Variants in CDH20 observed in about 807,000 individuals in gnomAD.
CDH20 encodes the protein cadherin-20.
In CDH20, 29 loss-of-function variants were observed where a neutral mutation model predicts 74.2. That is an observed-to-expected ratio of 0.39 (90% CI 0.29 to 0.53). CDH20 has a LOEUF of 0.53. Ranked by LOEUF, CDH20 falls within the 20% of genes least tolerant of loss-of-function variation. The pLI is 0.69. For synonymous variants in CDH20, 469 were observed against 405.4 expected, an observed-to-expected ratio of 1.16 and a Z score of -1.88; for missense variants, 988 against 1,048.3, an observed-to-expected ratio of 0.94 and a Z score of 0.79.
At chr18:61,409,530 G>A (rs1396589223) in intron 1 of CDH20, among the ~76,000 whole-genome samples, 2 of 152,174 alleles carry the variant, frequency 1.3e-5, no homozygotes, top group Non-Finnish European at 2.9e-5. Flanking sequence ...TAGGCAAGTT[G>A]TGTATGTCCT....
chr18:61,357,852 C>CG (rs1291835234), intron 1 of CDH20, among the ~76,000 whole-genome samples: 11 of 152,206 alleles, frequency 7.2e-5, no homozygotes, highest in African/African-American at 2.6e-4. Context: ...GACTTCATCT[C>CG]GTGATCTCTT....
chr18:61,388,507 A>C (rs979530540), intron 1 of CDH20, among the ~76,000 whole-genome samples: 6 of 152,166 alleles, frequency 3.9e-5, no homozygotes, highest in African/African-American at 1.4e-4. Flanking sequence ...AATTGAACTA[A>C]TTTCAAAATT....
chr18:61,364,409 T>C (rs1031222908), intron 1 of CDH20, among the ~76,000 whole-genome samples: 1 of 152,176 alleles, frequency 6.6e-6, no homozygotes, highest in Non-Finnish European at 1.5e-5. Context: ...ACCTCCCCCA[T>C]TCAAGCGATT....
intron 7 of CDH20, among the ~76,000 whole-genome samples, chr18:61,531,646 C>A (rs1912645116): frequency 6.6e-6 from 1 of 152,220 alleles, no homozygotes; most frequent in African/African-American, 2.4e-5. Context: ...CTGATGTGAT[C>A]TGGCTCTGTG....
At chr18:61,441,186 TG>T in intron 1 of CDH20, among the ~76,000 whole-genome samples, 1 of 152,284 alleles carries the variant, frequency 6.6e-6, no homozygotes, top group South Asian at 2.1e-4. Flanking sequence ...CTCTCACCTT[TG>T]TATAACTCAC....
At chr18:61,362,818 A>C (rs1187496071) in intron 1 of CDH20, among the ~76,000 whole-genome samples, 2 of 152,054 alleles carry the variant, frequency 1.3e-5, no homozygotes, top group Admixed American at 1.3e-4. Flanking sequence ...AAAATTACCC[A>C]TATGCTTGAA....
chr18:61,504,716 TA>T (rs1358631042), intron 5 of CDH20, among the ~76,000 whole-genome samples: 1 of 151,892 alleles, frequency 6.6e-6, no homozygotes, highest in African/African-American at 2.4e-5. Flanking sequence ...AAAACTAAAC[TA>T]AAAGGAGGAA....
chr18:61,515,757 A>T (rs1190684622), intron 6 of CDH20, among the ~76,000 whole-genome samples: 1 of 132,830 alleles, frequency 7.5e-6, no homozygotes, highest in African/African-American at 2.9e-5. Context: ...GAAGGGGAAT[A>T]TCACACTCTG....
intron 1 of CDH20, among the ~76,000 whole-genome samples, chr18:61,398,121 G>A (rs1912043728): frequency 6.6e-6 from 1 of 152,148 alleles, no homozygotes; most frequent in African/African-American, 2.4e-5. Flanking sequence ...TACATCCCTA[G>A]CCTGTGTAGC....
chr18:61,359,200 T>G (rs559548943), intron 1 of CDH20, among the ~76,000 whole-genome samples: 32 of 152,284 alleles, frequency 2.1e-4, no homozygotes, highest in African/African-American at 7.7e-4. Context: ...ATGTTCCTTA[T>G]TCCATCTACA....
intron 1 of CDH20, among the ~76,000 whole-genome samples, chr18:61,359,290 T>G (rs894286405): frequency 1.3e-5 from 2 of 152,116 alleles, no homozygotes; most frequent in Non-Finnish European, 2.9e-5. Flanking sequence ...TAACATTTAT[T>G]ATGCTTAAAT....
intron 1 of CDH20, among the ~76,000 whole-genome samples, chr18:61,438,548 C>T (rs1327832601): frequency 6.6e-6 from 1 of 151,962 alleles, no homozygotes; most frequent in Non-Finnish European, 1.5e-5. Flanking sequence ...AAATCAAAAC[C>T]ACAATGAGAT....
chr18:61,437,010 AAGAAGT>A (rs1232382780), intron 1 of CDH20, among the ~76,000 whole-genome samples: 1 of 152,176 alleles, frequency 6.6e-6, no homozygotes, highest in African/African-American at 2.4e-5. Flanking sequence ...AGGAATATAA[AAGAAGT>A]AGAACTATTC....
rs1302901126 is a variant in CDH20, at chr18:61,499,479, G to C, written c.540G>C (p.Val180=). 2 of 1,597,416 alleles carry C rather than the reference G, an allele frequency of 1.3e-6. No homozygotes were observed. Among genetic ancestry groups the C allele is most frequent in the Admixed American group, 3.4e-5 (2 of 58,538 alleles). The change falls in exon 3 of 12, where the codon GTG becomes GTC. Residue 180 remains valine, a splice_region_variant and synonymous_variant. Transcript: ENST00000262717. ...YVATVPEMSP[V]GTSVIQVTAT... is the part of the protein sequence containing the mutation. ...CCACTGTGCCAGAAATGTCCCCTGT[G>C]GGTAAGGTGGTGACTCGCTGATTTT...
intron 6 of CDH20, among the ~76,000 whole-genome samples, chr18:61,509,527 G>T (rs182218985): frequency 4.1e-4 from 63 of 152,322 alleles, no homozygotes; most frequent in Non-Finnish European, 6.3e-4. Flanking sequence ...CTGAGTGGAG[G>T]GGGGAACTCT....
chr18:61,397,970 G>A (rs1317468293), intron 1 of CDH20, among the ~76,000 whole-genome samples: 1 of 152,192 alleles, frequency 6.6e-6, no homozygotes, highest in Non-Finnish European at 1.5e-5. Context: ...AAGAATGAAT[G>A]AACGCTACAA....
Position 61,554,605 on chromosome 18 carries a change from G to C in CDH20, c.2316G>C (p.Gln772His). The C allele has an allele frequency of 1.2e-6, 2 of 1,608,580 alleles. No individual in the cohort carries two copies. Among genetic ancestry groups the C allele is most frequent in the Non-Finnish European group, 1.7e-6 (2 of 1,178,288 alleles). Residue 772 changes from glutamine to histidine, a missense_variant, in exon 12 of 12, where the codon CAG becomes CAC. Around this residue, in one of 2 missense-constraint regions of CDH20, gnomAD observed 375 missense variants for 293.1 expected, o/e 1.28. Coordinates refer to ENST00000262717, the MANE Select transcript of CDH20 (RefSeq NM_031891.4). The stretch of plus-strand genomic sequence containing the variant: ...AGTCGGCCACGTCGGACTCGGAACA[G>C]AGCTTCGACTTCCTGACGGACTGGG... ...SLQSATSDSE[Q>H]SFDFLTDWGP...
chr18:61,407,301 G>A (rs1001682826), intron 1 of CDH20, among the ~76,000 whole-genome samples: 1 of 152,148 alleles, frequency 6.6e-6, no homozygotes, highest in Non-Finnish European at 1.5e-5. Flanking sequence ...AGACATTCCT[G>A]GGTCTAAAAC....
At chr18:61,374,168 A>G (rs546351539) in intron 1 of CDH20, among the ~76,000 whole-genome samples, 1 of 152,230 alleles carries the variant, frequency 6.6e-6, no homozygotes, top group Non-Finnish European at 1.5e-5. Context: ...TGGTAGCCAT[A>G]TACCCAGTCT....
Sources: allele counts gnomAD v4.1 joint callset (sites outside exome capture counted in the v4.1 genomes callset), GRCh38; gene constraint gnomAD v4.1.1; regional missense constraint gnomAD v4.1.1; transcripts MANE v1.5; gene names NCBI Gene and HGNC (gene_info 2026-07-23, HGNC 2026-07-21).